The following RTN4 variants were observed in gnomAD, a reference collection of about 807,000 sequenced individuals.
RTN4 encodes the protein reticulon 4, also known as reticulon-4.
In RTN4, 32 loss-of-function variants were observed where a neutral mutation model predicts 90.4. That is an observed-to-expected ratio of 0.35 (90% confidence interval 0.27 to 0.48). The LOEUF (loss-of-function observed/expected upper bound fraction) is 0.48, where lower values mean the gene tolerates loss of function less well. RTN4 is among the 20% of genes least tolerant of loss of function. The pLI is 0.99. For missense variants in RTN4, 1,706 were observed against 1,430.2 expected, an observed-to-expected ratio of 1.19 and a Z score of -3.11; for synonymous variants, 629 against 552.5, an observed-to-expected ratio of 1.14 and a Z score of -1.94.
chr2:55,132,904 T>TTA, the RTN4 span, among the ~76,000 whole-genome samples: 11 of 149,764 alleles, frequency 7.3e-5, no homozygotes, highest in Non-Finnish European at 1.0e-4. Context: ...TTGTTTTTTT[T>TTA]AATTATTATT....
the RTN4 span, among the ~76,000 whole-genome samples, chr2:55,135,678 A>C: frequency 6.6e-6 from 1 of 152,240 alleles, no homozygotes; most frequent in Non-Finnish European, 1.5e-5. Context: ...ATCACAATTA[A>C]GATAATGAAC....
chr2:54,984,927 G>C (rs1678431530), intron 4 of RTN4, among the ~76,000 whole-genome samples: 1 of 152,140 alleles, frequency 6.6e-6, no homozygotes. Flanking sequence ...GCGACACAGT[G>C]AGACCCATCT....
chr2:55,006,398 A>G (rs1452612892), intron 3 of RTN4, among the ~76,000 whole-genome samples: 1 of 152,164 alleles, frequency 6.6e-6, no homozygotes, highest in African/African-American at 2.4e-5. Context: ...TTCCCGAGTA[A>G]GGCATTTCAA....
At chr2:54,973,522 A>G (rs1282534367) in intron 8 of RTN4, 41 bp downstream of exon 8, 15 of 1,439,814 alleles carry the variant, frequency 1.0e-5, no homozygotes, top group Non-Finnish European at 1.4e-5. Flanking sequence ...AATCCAGCAC[A>G]CCTTATCCTA....
intron 1 of RTN4, among the ~76,000 whole-genome samples, chr2:55,034,069 A>G (rs886302845): frequency 7.9e-5 from 12 of 152,246 alleles, no homozygotes; most frequent in Non-Finnish European, 1.6e-4. Flanking sequence ...AAATATTATG[A>G]CAAGAGGCTT....
At chr2:55,086,100 G>A (rs1358722739) in intron 1 of RTN4, among the ~76,000 whole-genome samples, 1 of 152,114 alleles carries the variant, frequency 6.6e-6, no homozygotes, top group African/African-American at 2.4e-5. Context: ...AGTAACACAG[G>A]TCCTCAAGGA....
intron 1 of RTN4, among the ~76,000 whole-genome samples, chr2:55,037,637 T>C (rs1334256778): frequency 2.0e-5 from 3 of 152,192 alleles, no homozygotes; most frequent in Non-Finnish European, 4.4e-5. Flanking sequence ...TCTTATATCC[T>C]CTGCCAGCAT....
At chr2:55,098,461 C>G (rs1376845812) in intron 1 of RTN4, among the ~76,000 whole-genome samples, 1 of 152,020 alleles carries the variant, frequency 6.6e-6, no homozygotes, top group Admixed American at 6.6e-5. Context: ...TAATTATCAA[C>G]GCAGGGTCAA....
In RTN4 at chr2:54,993,293, C is replaced by G. The variant is rs62134847; in HGVS notation, c.3014-5595G>C. On this transcript the variant is annotated intron_variant, in intron 3 of 8. Coordinates refer to ENST00000337526, the MANE Select transcript of RTN4 (RefSeq NM_020532.5). The stretch of plus-strand genomic sequence containing the variant: ...AAATTCACCCCATTCTGTTTCTATT[C>G]GGTACTACTGAAGAGTCTTATGAGT... 2.6e-3 allele frequency among the ~76,000 whole-genome samples: 399 copies of G among 152,168 alleles called. 1 individual carries two copies. The highest frequency in any genetic ancestry group is 4.2e-3 in the Non-Finnish European group (288 of 68,008).
intron 2 of RTN4, among the ~76,000 whole-genome samples, chr2:55,059,869 G>T (rs1254349167): frequency 1.3e-5 from 2 of 151,808 alleles, no homozygotes; most frequent in Non-Finnish European, 2.9e-5. Flanking sequence ...AGAGAGATGG[G>T]GTTTCACCAT....
At chr2:54,986,028 A>G (rs1002351096) in intron 4 of RTN4, among the ~76,000 whole-genome samples, 1 of 152,216 alleles carries the variant, frequency 6.6e-6, no homozygotes, top group Non-Finnish European at 1.5e-5. Context: ...GAAATTCTCC[A>G]AAGAGCTGGG....
chr2:55,091,853 A>ATGAGG (rs373645796), intron 1 of RTN4, among the ~76,000 whole-genome samples: 1 of 151,856 alleles, frequency 6.6e-6, no homozygotes, highest in East Asian at 1.9e-4. Flanking sequence ...GAAAAATAAA[A>ATGAGG]AAGATGCAAA....
At chr2:55,058,611 G>A (rs1215342745) in intron 2 of RTN4, among the ~76,000 whole-genome samples, 1 of 152,164 alleles carries the variant, frequency 6.6e-6, no homozygotes, top group African/African-American at 2.4e-5. Flanking sequence ...CATGGTAGTT[G>A]GAGGTTTTCA....
intron 2 of RTN4, among the ~76,000 whole-genome samples, chr2:55,057,932 A>T (rs559414250): frequency 2.0e-5 from 3 of 152,344 alleles, no homozygotes; most frequent in African/African-American, 7.2e-5. Flanking sequence ...ACAGTAAGGC[A>T]TGATTGTACC....
intron 2 of RTN4, among the ~76,000 whole-genome samples, chr2:55,079,076 T>C (rs1184812707): frequency 1.3e-5 from 2 of 152,132 alleles, no homozygotes; most frequent in African/African-American, 2.4e-5. Context: ...GTGGCTGTAG[T>C]GAACATAGAG....
chr2:54,990,085 C>A (rs1180822623), intron 3 of RTN4, among the ~76,000 whole-genome samples: 2 of 152,136 alleles, frequency 1.3e-5, no homozygotes, highest in Non-Finnish European at 2.9e-5. Context: ...TTACGAGCTA[C>A]GTGACCTCAG....
chr2:55,112,102 A>C (rs1289890365), intron 1 of RTN4, among the ~76,000 whole-genome samples: 1 of 152,174 alleles, frequency 6.6e-6, no homozygotes, highest in Non-Finnish European at 1.5e-5. Flanking sequence ...CTTTGTGAGG[A>C]GCTCAGAGGC....
intron 1 of RTN4, among the ~76,000 whole-genome samples, chr2:55,110,106 C>T (rs911146914): frequency 1.3e-5 from 2 of 151,882 alleles, no homozygotes; most frequent in African/African-American, 4.8e-5. Context: ...CCCAGGAGTT[C>T]GAGACCAGCC....
intron 3 of RTN4, among the ~76,000 whole-genome samples, chr2:55,011,121 A>AGC (rs1219230536): frequency 6.6e-6 from 1 of 151,958 alleles, no homozygotes; most frequent in Non-Finnish European, 1.5e-5. Context: ...GGCAACCTCA[A>AGC]CCTCCCAGGC....
Sources: gnomAD v4.1 joint callset for allele counts (sites outside exome capture counted in the v4.1 genomes callset) on GRCh38, gnomAD v4.1.1 for gene constraint, MANE v1.5 for transcripts, NCBI Gene and HGNC (gene_info 2026-07-23, HGNC 2026-07-21) for gene names.